RUNX1T1: variants seen among roughly 807,000 people sequenced by gnomAD.
The protein encoded by RUNX1T1 is protein CBFA2T1.
A neutral mutation model predicts 62.8 loss-of-function variants in RUNX1T1; 4 were observed. The observed-to-expected ratio is 0.06, with a 90% confidence interval of 0.03 to 0.15. The LOEUF (loss-of-function observed/expected upper bound fraction) is 0.15, where lower values mean the gene tolerates loss of function less well. Ranked by LOEUF, RUNX1T1 falls within the 10% of genes least tolerant of loss-of-function variation. The pLI is 1.00. For synonymous variants in RUNX1T1, 291 were observed against 286.0 expected, an observed-to-expected ratio of 1.02 and a Z score of -0.18; for missense variants, 508 against 754.3, an observed-to-expected ratio of 0.67 and a Z score of 3.82.
chr8:91,981,983 G>A lies in RUNX1T1; in HGVS notation c.1198+4141C>T, dbSNP rs577083060. On this transcript the variant is annotated intron_variant, in intron 8 of 10. Coordinates refer to ENST00000396218, the Ensembl canonical transcript of RUNX1T1. ...ATTTTGGCCAGGTACAGTGGATCAC[G>A]CCTGTAATCCTAGCACTTTGGGAGG... Among the ~76,000 whole-genome samples the A allele has an allele frequency of 5.9e-5, 9 of 151,794 alleles. No homozygotes were observed. In the South Asian group the frequency reaches 6.2e-4, roughly 11 times the overall value.
chr8:92,077,094 A>C (rs1834535464), intron 1 of RUNX1T1, among the ~76,000 whole-genome samples: 1 of 152,108 alleles, frequency 6.6e-6, no homozygotes, highest in Non-Finnish European at 1.5e-5. Flanking sequence ...ACATATTCTG[A>C]TGTAAATAAA....
intron 1 of RUNX1T1, among the ~76,000 whole-genome samples, chr8:92,030,731 T>C (rs1826062375): frequency 6.6e-6 from 1 of 152,206 alleles, no homozygotes; most frequent in South Asian, 2.1e-4. Context: ...CCACTTCTCA[T>C]TCTTCTTCTG....
intron 8 of RUNX1T1, among the ~76,000 whole-genome samples, chr8:91,981,004 A>G (rs1215742977): frequency 6.6e-6 from 1 of 152,092 alleles, no homozygotes; most frequent in East Asian, 1.9e-4. Flanking sequence ...GCACATCTAA[A>G]TAACAGCTAA....
upstream of RUNX1T1, among the ~76,000 whole-genome samples, chr8:92,063,836 C>T (rs1832448572): frequency 6.6e-6 from 1 of 152,200 alleles, no homozygotes; most frequent in Non-Finnish European, 1.5e-5. Flanking sequence ...GTAGCTGCCT[C>T]AGGCTTTACC....
At chr8:92,073,065 C>A (rs1163278659) in intron 2 of RUNX1T1, among the ~76,000 whole-genome samples, 1 of 152,128 alleles carries the variant, frequency 6.6e-6, no homozygotes, top group African/African-American at 2.4e-5. Context: ...CCTCTTACAT[C>A]TTTTAGAAAA....
At chr8:92,097,805 T>C (rs970977272) in intron 1 of RUNX1T1, among the ~76,000 whole-genome samples, 2 of 152,206 alleles carry the variant, frequency 1.3e-5, no homozygotes, top group African/African-American at 4.8e-5. Flanking sequence ...CTCACAGTTA[T>C]AGAAAAGATC....
chr8:91,988,001 T>C (rs958859289), intron 6 of RUNX1T1, among the ~76,000 whole-genome samples: 1 of 152,162 alleles, frequency 6.6e-6, no homozygotes, highest in African/African-American at 2.4e-5. Context: ...GGAACTTATG[T>C]ATAAAGTTTC....
intron 5 of RUNX1T1, among the ~76,000 whole-genome samples, chr8:91,996,453 G>A (rs942720636): frequency 1.1e-4 from 16 of 152,112 alleles, no homozygotes; most frequent in African/African-American, 2.9e-4. Flanking sequence ...CGCCCGCCTC[G>A]GCCTCCCAAA....
intron 10 of RUNX1T1, among the ~76,000 whole-genome samples, chr8:91,968,277 G>A (rs536540758): frequency 1.1e-4 from 17 of 152,172 alleles, no homozygotes; most frequent in Non-Finnish European, 2.1e-4. Flanking sequence ...ACACCTGACA[G>A]TGGAAGGGGG....
At position 92,014,722 on chromosome 8, in the gene RUNX1T1, G is replaced by C. The variant is rs1330331817; in HGVS notation, c.244C>G (p.Leu82Val). The change falls in exon 3 of 11, where the codon CTG becomes GTG. Residue 82 changes from leucine to valine, a missense_variant. By Grantham distance (32) the Leu-to-Val change is conservative (BLOSUM62 1). Around this residue, in one of 7 missense-constraint regions of RUNX1T1, gnomAD observed 36 missense variants for 96.6 expected, o/e 0.37. Transcript: ENST00000396218. The stretch of plus-strand genomic sequence containing the variant: ...GCTGGGGGCAGCTGTTGATTAGCCA[G>C]AGAGGAGGAGGAAGAAGAGGAAGGC... The C allele has an allele frequency of 3.3e-5, 53 of 1,614,016 alleles. No homozygotes were observed. Among genetic ancestry groups the C allele is most frequent in the Non-Finnish European group, 4.3e-5 (51 of 1,180,020 alleles).
At chr8:91,994,513 A>C in intron 5 of RUNX1T1, 2 of 465,572 alleles carry the variant, frequency 4.3e-6, no homozygotes, top group South Asian at 1.7e-5. Context: ...TGTAGTGGAA[A>C]GAGCACTGGA....
intron 1 of RUNX1T1, among the ~76,000 whole-genome samples, chr8:92,085,170 T>C (rs1049685440): frequency 6.6e-6 from 1 of 152,232 alleles, no homozygotes. Context: ...TTCATCACTA[T>C]ACTCGACTGC....
At chr8:91,963,815 T>C (rs1811033552) in intron 10 of RUNX1T1, among the ~76,000 whole-genome samples, 1 of 152,214 alleles carries the variant, frequency 6.6e-6, no homozygotes, top group African/African-American at 2.4e-5. Flanking sequence ...AATTGTTTTA[T>C]TTATTTATTT....
At chr8:91,984,168 A>G (rs1261222522) in intron 8 of RUNX1T1, among the ~76,000 whole-genome samples, 2 of 152,206 alleles carry the variant, frequency 1.3e-5, no homozygotes, top group African/African-American at 2.4e-5. Flanking sequence ...TAGTTTGTAT[A>G]CTTTTAAAAA....
At chr8:92,064,488 T>C (rs750333671), upstream of RUNX1T1, among the ~76,000 whole-genome samples, 2 of 152,212 alleles carry the variant, frequency 1.3e-5, no homozygotes, top group Non-Finnish European at 2.9e-5. Flanking sequence ...GAAAGCTTTA[T>C]AGCAGGCATG....
At chr8:92,043,198 C>T (rs183022313) in intron 1 of RUNX1T1, among the ~76,000 whole-genome samples, 1 of 152,006 alleles carries the variant, frequency 6.6e-6, no homozygotes, top group Non-Finnish European at 1.5e-5. Context: ...TCTGCCCCCT[C>T]CAAAAAAATA....
At chr8:92,037,566 C>G (rs1368022324) in intron 1 of RUNX1T1, among the ~76,000 whole-genome samples, 1 of 152,112 alleles carries the variant, frequency 6.6e-6, no homozygotes, top group African/African-American at 2.4e-5. Flanking sequence ...GTAGTCCCAG[C>G]TACTCAGGTG....
chr8:92,088,045 A>T (rs1316986429), intron 1 of RUNX1T1, among the ~76,000 whole-genome samples: 1 of 152,208 alleles, frequency 6.6e-6, no homozygotes, highest in African/African-American at 2.4e-5. Flanking sequence ...TGCGGAACTC[A>T]TTTCTAAATA....
At chr8:92,016,013 G>A (rs1822920386) in intron 2 of RUNX1T1, among the ~76,000 whole-genome samples, 2 of 152,162 alleles carry the variant, frequency 1.3e-5, no homozygotes, top group Non-Finnish European at 2.9e-5. Flanking sequence ...GTGCAACACT[G>A]CATAAACAGC....
Sources: allele counts gnomAD v4.1 joint callset (sites outside exome capture counted in the v4.1 genomes callset), GRCh38; gene constraint gnomAD v4.1.1; regional missense constraint gnomAD v4.1.1; transcripts MANE v1.5; gene names NCBI Gene and HGNC (gene_info 2026-07-23, HGNC 2026-07-21).